MERTK: variants seen among roughly 807,000 people sequenced by gnomAD.
The protein encoded by MERTK is tyrosine-protein kinase Mer.
In MERTK, 69 loss-of-function variants were observed where a neutral mutation model predicts 99.3. That is an observed-to-expected ratio of 0.70 (90% CI 0.57 to 0.85). MERTK has a LOEUF of 0.85. MERTK is among the 40% of genes least tolerant of loss of function. The probability of loss-of-function intolerance (pLI) is 0.00; values close to 1 mark genes in which losing one functional copy is unlikely to be tolerated. For synonymous variants in MERTK, 426 were observed against 467.6 expected (o/e 0.91, Z 1.15); for missense variants, 1,125 against 1,249.4 (o/e 0.90, Z 1.50).
At chr2:111,970,811 T>TC (rs1676102231) in intron 6 of MERTK, among the ~76,000 whole-genome samples, 2 of 85,364 alleles carry the variant, frequency 2.3e-5, no homozygotes, top group African/African-American at 5.0e-5. Context: ...CCCCTCCTCC[T>TC]CCTCCTCCCT....
In MERTK at chr2:112,008,421, A is replaced by G. The variant is rs746614077; in HGVS notation, c.1906A>G (p.Ser636Gly). The G allele has an allele frequency of 3.1e-6, 5 of 1,614,006 alleles. No individual in the cohort carries two copies. Among genetic ancestry groups the G allele is most frequent in the Non-Finnish European group, 3.4e-6 (4 of 1,180,002 alleles). ...ACAGCGGGAGATCGAGGAGTTTCTCAGTGAGGCAGCGTGCATGAAAGACTT... is the reference window on the plus strand; with the variant it reads ...ACAGCGGGAGATCGAGGAGTTTCTCGGTGAGGCAGCGTGCATGAAAGACTT... ...SSQREIEEFL[S>G]EAACMKDFSH... is the part of the protein sequence containing the mutation. Residue 636 changes from serine (S) to glycine (G), a missense_variant, in exon 14 of 19, where the codon AGT becomes GGT. By Grantham distance (56) the Ser-to-Gly change is moderately conservative. Coordinates refer to ENST00000295408, the MANE Select transcript of MERTK (RefSeq NM_006343.3).
At chr2:112,016,170 G>A (rs1677211217) in intron 15 of MERTK, among the ~76,000 whole-genome samples, 1 of 152,116 alleles carries the variant, frequency 6.6e-6, no homozygotes, top group Non-Finnish European at 1.5e-5. Context: ...TGAAACTTTA[G>A]AATCAGCTTA....
At chr2:111,917,120 T>C (rs558529404) in intron 1 of MERTK, among the ~76,000 whole-genome samples, 116 of 152,160 alleles carry the variant, frequency 7.6e-4, no homozygotes, top group Non-Finnish European at 1.3e-3. Flanking sequence ...AGCCCTGACT[T>C]TCTGCAGGCC....
chr2:111,980,071 C>T (rs997039036), intron 7 of MERTK, among the ~76,000 whole-genome samples: 1 of 152,148 alleles, frequency 6.6e-6, no homozygotes, highest in African/African-American at 2.4e-5. Flanking sequence ...GATCTAGATA[C>T]GATACCCCCC....
rs1209105449 is a variant in MERTK, at chr2:112,019,522, T to G, written c.2189T>G (p.Met730Arg). 1 of 1,604,504 alleles carries G rather than the reference T, an allele frequency of 6.2e-7. No homozygotes were observed. Among genetic ancestry groups the G allele is most frequent in the Non-Finnish European group, 8.5e-7 (1 of 1,171,152 alleles). ...CGAGATTTAGCTGCTCGAAACTGCA[T>G]GTAAGAGTCCTCGGCTATCCTGGAA... is the stretch of plus-strand genomic sequence containing the variant. The part of the protein sequence containing the change: ...LHRDLAARNC[M>R]LRDDMTVCVA... The change falls in exon 16 of 19, where the codon ATG becomes AGG. Residue 730 changes from methionine (M) to arginine (R), a missense_variant and splice_region_variant. Physicochemically the swap from Met to Arg is moderately conservative, Grantham distance 91 (BLOSUM62 -1). Coordinates refer to ENST00000295408, the MANE Select transcript of MERTK (RefSeq NM_006343.3).
At chr2:111,914,250 T>C (rs1437658359) in intron 1 of MERTK, among the ~76,000 whole-genome samples, 2 of 151,670 alleles carry the variant, frequency 1.3e-5, no homozygotes, top group African/African-American at 2.4e-5. Flanking sequence ...ACTACAGGTG[T>C]GCACCACCAC....
At chr2:111,938,564 C>A (rs1684804985) in intron 2 of MERTK, among the ~76,000 whole-genome samples, 1 of 152,192 alleles carries the variant, frequency 6.6e-6, no homozygotes, top group Admixed American at 6.5e-5. Context: ...TGTGCCTGGG[C>A]TAACCCAGCC....
At chr2:111,940,896 A>C in intron 2 of MERTK, 2 of 705,120 alleles carry the variant, frequency 2.8e-6, no homozygotes, top group Admixed American at 3.6e-5. Flanking sequence ...TGTTTCTTAA[A>C]TTACCTCTGT....
Position 111,947,382 on chromosome 2 carries a change from T to C in MERTK, c.584-12T>C. 4 of 1,613,618 alleles carry C rather than the reference T, an allele frequency of 2.5e-6. No homozygotes were observed. Among genetic ancestry groups the C allele is most frequent in the Non-Finnish European group, 3.4e-6 (4 of 1,179,860 alleles). On this transcript the variant is annotated splice_polypyrimidine_tract_variant and intron_variant, in intron 3 of 18. Coordinates refer to ENST00000295408, the MANE Select transcript of MERTK (RefSeq NM_006343.3). ...ATCTGAAACATTCTTTTGTGTAACG[T>C]TTTCTCCGCAGGACTTCCTCACTTT...
At chr2:111,909,557 T>C (rs1684202400) in intron 1 of MERTK, among the ~76,000 whole-genome samples, 1 of 152,142 alleles carries the variant, frequency 6.6e-6, no homozygotes, top group Non-Finnish European at 1.5e-5. Context: ...TTCACTTAGA[T>C]TAAGTACATT....
chr2:111,928,532 C>T (rs1684610357), intron 1 of MERTK, among the ~76,000 whole-genome samples: 1 of 152,192 alleles, frequency 6.6e-6, no homozygotes, highest in Admixed American at 6.5e-5. Context: ...GTCACCCAGG[C>T]TGGAGTGCTG....
At chr2:111,960,548 A>G (rs1383485362) in intron 4 of MERTK, among the ~76,000 whole-genome samples, 1 of 152,002 alleles carries the variant, frequency 6.6e-6, no homozygotes, top group Non-Finnish European at 1.5e-5. Flanking sequence ...TGCTCTTCCA[A>G]TAAAGTTGTA....
chr2:111,979,765 T>C (rs886075392), intron 7 of MERTK, among the ~76,000 whole-genome samples: 2 of 152,170 alleles, frequency 1.3e-5, no homozygotes, highest in Non-Finnish European at 2.9e-5. Flanking sequence ...TCATTGAAAA[T>C]TTTTTTCTGG....
At chr2:111,997,768 T>C (rs1676782028) in intron 10 of MERTK, among the ~76,000 whole-genome samples, 3 of 152,188 alleles carry the variant, frequency 2.0e-5, no homozygotes, top group Admixed American at 2.0e-4. Context: ...GCCTTAAAAA[T>C]AGGCCGAGTG....
intron 1 of MERTK, among the ~76,000 whole-genome samples, chr2:111,905,276 G>A (rs781512919): frequency 6.6e-6 from 1 of 152,118 alleles, no homozygotes; most frequent in African/African-American, 2.4e-5. Flanking sequence ...TTTCACTCTC[G>A]GGGCCTCTGA....
At chr2:112,021,135 GT>G (rs1335430849) in intron 16 of MERTK, among the ~76,000 whole-genome samples, 1 of 151,944 alleles carries the variant, frequency 6.6e-6, no homozygotes, top group Non-Finnish European at 1.5e-5. Flanking sequence ...GGGAAGCAGA[GT>G]TTGCTGTGAG....
intron 2 of MERTK, among the ~76,000 whole-genome samples, chr2:111,939,221 C>T (rs901929984): frequency 8.5e-5 from 13 of 152,114 alleles, no homozygotes; most frequent in South Asian, 4.1e-4. Flanking sequence ...GGGCATCACA[C>T]GGCGAGGGGG....
intron 15 of MERTK, chr2:112,015,890 TGACCAATAGCAAAA>T (rs2104418560): frequency 6.5e-6 from 1 of 154,496 alleles, no homozygotes; most frequent in South Asian, 2.0e-4. Flanking sequence ...TGCGTATAGA[TGACCAATAGCAAAA>T]GACTATCTTA....
chr2:112,010,173 G>A (rs1241377975), intron 15 of MERTK, 107 bp downstream of exon 15: 8 of 872,690 alleles, frequency 9.2e-6, no homozygotes, highest in East Asian at 7.4e-5. Flanking sequence ...AGGAGAGGAC[G>A]TTGACTTTTG....
Sources: gnomAD v4.1 joint callset for allele counts (sites outside exome capture counted in the v4.1 genomes callset) on GRCh38, gnomAD v4.1.1 for gene constraint, MANE v1.5 for transcripts, NCBI Gene and HGNC (gene_info 2026-07-23, HGNC 2026-07-21) for gene names.